RAD18: variants seen among roughly 807,000 people sequenced by gnomAD.
The protein encoded by RAD18 is RAD18 E3 ubiquitin protein ligase, also known as E3 ubiquitin-protein ligase RAD18.
RAD18 carries 47 observed loss-of-function variants against 60.4 expected under a neutral mutation model. The ratio of observed to expected loss-of-function variants is 0.78; its 90% CI spans 0.62 to 0.99. The LOEUF is 0.99. RAD18 is among the 50% of genes least tolerant of loss of function. RAD18 has a pLI of 0.00. For missense variants in RAD18, 640 were observed against 593.3 expected, an observed-to-expected ratio of 1.08 and a Z score of -0.82; for synonymous variants, 225 against 195.5, an observed-to-expected ratio of 1.15 and a Z score of -1.26.
rs533870589 is a variant in RAD18, at chr3:8,947,087, T to C, written c.266+133A>G. 5 of 687,778 alleles carry C rather than the reference T, an allele frequency of 7.3e-6. No homozygotes were observed. In the South Asian group the frequency reaches 1.0e-4, roughly 14 times the overall value. The allele number at this position is 687,778 out of a possible 1,614,324, so 42.6% of individuals were successfully genotyped here. On this transcript the variant is annotated intron_variant, in intron 4 of 12. Coordinates refer to ENST00000264926, the MANE Select transcript of RAD18 (RefSeq NM_020165.4). ...TAGTAAATTTTCCATGTGTGAATAA[T>C]GACTGTTACTTCCCTTCTTTGACTA...
At chr3:8,897,077 A>T (rs925601164) in intron 11 of RAD18, among the ~76,000 whole-genome samples, 18 of 152,268 alleles carry the variant, frequency 1.2e-4, no homozygotes, top group African/African-American at 4.1e-4. Context: ...CTTAAGAAAC[A>T]AAAGATTATC....
rs1939854785 is a variant in RAD18 at position 8,899,022 on chromosome 3, T to A, written c.1194A>T (p.Val398=). Residue 398 remains valine, a synonymous_variant, in exon 11 of 13, where the codon GTA becomes GTT. Transcript: ENST00000264926. ...CMGQEDNMTS[V]TNHFSQSKLD... ...GCTTTGATTGAGAAAAGTGGTTTGT[T>A]ACTGAGGTCATATTATCTTCCTGTC... 1 of 1,604,120 alleles carries A rather than the reference T, an allele frequency of 6.2e-7. No homozygotes were observed. The highest frequency in any genetic ancestry group is 1.3e-5 in the African/African-American group (1 of 74,506).
At chr3:8,942,188 A>G (rs1241295553) in intron 4 of RAD18, among the ~76,000 whole-genome samples, 1 of 152,166 alleles carries the variant, frequency 6.6e-6, no homozygotes, top group South Asian at 2.1e-4. Context: ...AGGTGACTGG[A>G]TCATGAGGGC....
At chr3:8,933,992 G>A (rs1365534439) in intron 7 of RAD18, among the ~76,000 whole-genome samples, 2 of 152,198 alleles carry the variant, frequency 1.3e-5, no homozygotes, top group African/African-American at 2.4e-5. Flanking sequence ...GCCTACACAT[G>A]TACAATTAGC....
chr3:8,902,639 C>T, intron 9 of RAD18, 119 bp from the exon 10 acceptor site: 1 of 1,025,680 alleles, frequency 9.7e-7, no homozygotes, highest in Non-Finnish European at 1.4e-6. Context: ...CGCCTGTAAT[C>T]CCAGCACTTC....
chr3:8,920,171 C>G (rs200036090), intron 7 of RAD18, among the ~76,000 whole-genome samples: 2 of 147,678 alleles, frequency 1.4e-5, no homozygotes, highest in African/African-American at 5.0e-5. Flanking sequence ...CCCAGCTACT[C>G]GGGAGGCTGA....
chr3:8,939,399 G>C (rs1320703603), intron 6 of RAD18, among the ~76,000 whole-genome samples, 155 bp downstream of exon 6: 1 of 152,148 alleles, frequency 6.6e-6, no homozygotes, highest in African/African-American at 2.4e-5. Context: ...ACAGAGGAGA[G>C]GGATTGGAAG....
At chr3:8,897,117 CTTT>C (rs936887280) in intron 11 of RAD18, among the ~76,000 whole-genome samples, 1 of 151,986 alleles carries the variant, frequency 6.6e-6, no homozygotes, top group Admixed American at 6.6e-5. Flanking sequence ...AAAGGAAATT[CTTT>C]TTTTTAATTA....
At chr3:8,942,698 G>C (rs1419893009) in intron 4 of RAD18, among the ~76,000 whole-genome samples, 1 of 152,186 alleles carries the variant, frequency 6.6e-6, no homozygotes, top group African/African-American at 2.4e-5. Flanking sequence ...GAAAATAAGA[G>C]ATCAGAGTTC....
At chr3:8,886,181 C>A (rs1172970438) in intron 12 of RAD18, among the ~76,000 whole-genome samples, 1 of 152,196 alleles carries the variant, frequency 6.6e-6, no homozygotes, top group Non-Finnish European at 1.5e-5. Context: ...CCTTGCCTGG[C>A]AAGGCCTTAG....
At chr3:8,962,927 G>T (rs193162356) in intron 1 of RAD18, among the ~76,000 whole-genome samples, 1 of 152,184 alleles carries the variant, frequency 6.6e-6, no homozygotes, top group African/African-American at 2.4e-5. Flanking sequence ...TACCTGCTTG[G>T]CTACGTGATT....
chr3:8,899,781 A>G (rs1939869514), intron 10 of RAD18, among the ~76,000 whole-genome samples: 1 of 152,200 alleles, frequency 6.6e-6, no homozygotes, highest in African/African-American at 2.4e-5. Context: ...CCCACTCATC[A>G]TGAACGCTGC....
At chr3:8,921,668 TAA>T (rs1559778381) in intron 7 of RAD18, among the ~76,000 whole-genome samples, 1 of 149,892 alleles carries the variant, frequency 6.7e-6, no homozygotes, top group African/African-American at 2.5e-5. Context: ...AATGAACAAA[TAA>T]AGTTTTTCAG....
chr3:8,948,613 T>A, intron 2 of RAD18, 43 bp from the exon 3 acceptor site: 1 of 1,484,954 alleles, frequency 6.7e-7, no homozygotes, highest in Non-Finnish European at 9.3e-7. Context: ...TAAGCTATAT[T>A]AATAATACAG....
intron 7 of RAD18, among the ~76,000 whole-genome samples, chr3:8,934,175 C>G (rs867852394): frequency 1.3e-5 from 2 of 152,090 alleles, no homozygotes; most frequent in South Asian, 2.1e-4. Flanking sequence ...AATTTAGGAG[C>G]AAGAACAATA....
At chr3:8,912,981 T>TA (rs1429159058) in intron 8 of RAD18, among the ~76,000 whole-genome samples, 1 of 152,180 alleles carries the variant, frequency 6.6e-6, no homozygotes, top group Admixed American at 6.5e-5. Context: ...GTTACAAACT[T>TA]ACTTTCTTAA....
At chr3:8,915,676 C>T (rs557748718) in intron 7 of RAD18, among the ~76,000 whole-genome samples, 3 of 151,836 alleles carry the variant, frequency 2.0e-5, no homozygotes, top group South Asian at 2.1e-4. Flanking sequence ...CTCTGCCTTC[C>T]GGGTTCACGC....
At chr3:8,901,965 C>T (rs574878087) in intron 10 of RAD18, among the ~76,000 whole-genome samples, 13 of 152,288 alleles carry the variant, frequency 8.5e-5, no homozygotes, top group African/African-American at 3.1e-4. Flanking sequence ...AAGGAACGTG[C>T]TCTGTATTAG....
rs1016324125 is a variant in RAD18 at position 8,877,748 on chromosome 3, T to G, written c.*3609A>C. On this transcript the variant is annotated 3_prime_UTR_variant, in exon 13 of 13. Coordinates refer to ENST00000264926, the MANE Select transcript of RAD18 (RefSeq NM_020165.4). ...GAACTGTCTTTGTTTTGCACATTACTTGACATATAGTCCTAATAGTTGAAG... is the reference window on the plus strand; with the variant it reads ...GAACTGTCTTTGTTTTGCACATTACGTGACATATAGTCCTAATAGTTGAAG... 2 of 151,880 alleles carry G rather than the reference T, an allele frequency of 1.3e-5. No individual in the cohort carries two copies. The highest frequency in any genetic ancestry group is 4.8e-5 in the African/African-American group (2 of 41,280). 9.4% of individuals were successfully genotyped at this position (151,880 alleles called of 1,614,324 possible). A position where few individuals can be genotyped will look rare whatever the true frequency, so the allele number is the denominator to read the frequency against.
Sources: allele counts gnomAD v4.1 joint callset (sites outside exome capture counted in the v4.1 genomes callset), GRCh38; gene constraint gnomAD v4.1.1; transcripts MANE v1.5; gene names NCBI Gene and HGNC (gene_info 2026-07-23, HGNC 2026-07-21).